The following ATP11C variants were observed in gnomAD, a reference collection of about 807,000 sequenced individuals.
ATP11C encodes phospholipid-transporting ATPase IG.
ATP11C carries 36 observed loss-of-function variants against 97.4 expected under a neutral mutation model. The ratio of observed to expected loss-of-function variants is 0.37; its 90% CI spans 0.28 to 0.49. The LOEUF (loss-of-function observed/expected upper bound fraction) is 0.49, where lower values mean the gene tolerates loss of function less well. ATP11C is among the 20% of genes least tolerant of loss of function. ATP11C has a pLI of 0.98. For synonymous variants in ATP11C, 275 were observed against 290.9 expected (o/e 0.95, Z 0.56); for missense variants, 730 against 824.6 (o/e 0.89, Z 1.40).
rs772227083 is a variant in ATP11C, at chrX:139,846,508, G to A, written c.28-19685C>T. 7.2e-5 allele frequency among the ~76,000 whole-genome samples: 8 copies of A among 111,848 alleles called. No individual in the cohort carries two copies. In the East Asian group the frequency reaches 2.2e-3, roughly 31 times the overall value. Reference sequence around the variant, plus strand: ...TCCTAAGGTTTACTTTACTTTTGCTGCTATTTTTTCTTTTTTAAAATAAAT... The same window carrying A: ...TCCTAAGGTTTACTTTACTTTTGCTACTATTTTTTCTTTTTTAAAATAAAT... On this transcript the variant is annotated intron_variant, in intron 1 of 29. Coordinates refer to ENST00000682941, the MANE Select transcript of ATP11C (RefSeq NM_001353812.2).
intron 1 of ATP11C, among the ~76,000 whole-genome samples, chrX:139,896,546 TACACACACACACACACACAC>T (rs61153084): frequency 4.5e-4 from 36 of 79,809 alleles, no homozygotes; most frequent in Middle Eastern, 6.8e-3. Flanking sequence ...GTTAATTTTA[TACACACACACACACACACAC>T]ACACACACAC....
At chrX:139,931,982 C>A (rs745386244) in intron 1 of ATP11C, 34 bp downstream of exon 1, 1 of 1,152,221 alleles carries the variant, frequency 8.7e-7, no homozygotes, top group East Asian at 3.3e-5. Flanking sequence ...AGCAAGCAAA[C>A]CGGCACGCGC....
chrX:139,911,183 T>C (rs1397778037), intron 1 of ATP11C, among the ~76,000 whole-genome samples: 2 of 109,924 alleles, frequency 1.8e-5, no homozygotes, highest in Non-Finnish European at 3.8e-5. Flanking sequence ...AAAAAAATAG[T>C]AAAAGCAGAA....
At chrX:139,922,539 T>G (rs904126486) in intron 1 of ATP11C, among the ~76,000 whole-genome samples, 1 of 107,916 alleles carries the variant, frequency 9.3e-6, no homozygotes, top group Admixed American at 1.0e-4. Flanking sequence ...TACTAGGAGG[T>G]GAGGCATCTG....
intron 5 of ATP11C, among the ~76,000 whole-genome samples, chrX:139,807,493 A>G (rs2083070349): frequency 9.0e-6 from 1 of 111,520 alleles, no homozygotes; most frequent in African/African-American, 3.3e-5. Context: ...AGTGAATACC[A>G]TTCTTTTACA....
intron 1 of ATP11C, among the ~76,000 whole-genome samples, chrX:139,888,439 TATA>T (rs976161535): frequency 1.8e-5 from 2 of 111,356 alleles, no homozygotes; most frequent in African/African-American, 6.5e-5. Context: ...CCCAAAGCTG[TATA>T]ATTTTTCAAA....
intron 1 of ATP11C, among the ~76,000 whole-genome samples, chrX:139,838,798 A>G (rs1034446728): frequency 1.8e-5 from 2 of 111,534 alleles, no homozygotes; most frequent in African/African-American, 6.5e-5. Context: ...AAATACAAAA[A>G]TTATCCAGGC....
intron 1 of ATP11C, among the ~76,000 whole-genome samples, chrX:139,914,015 G>T (rs1481934186): frequency 8.9e-6 from 1 of 111,768 alleles, no homozygotes; most frequent in Non-Finnish European, 1.9e-5. Context: ...ACAGAAAATA[G>T]TCAAAAGATT....
intron 3 of ATP11C, among the ~76,000 whole-genome samples, chrX:139,817,163 C>T (rs1238914543): frequency 8.9e-6 from 1 of 112,236 alleles, no homozygotes; most frequent in African/African-American, 3.2e-5. Context: ...CTTGGATTAA[C>T]CCCTTTATTG....
At chrX:139,754,791 A>T (rs1407029355) in intron 23 of ATP11C, among the ~76,000 whole-genome samples, 2 of 111,884 alleles carry the variant, frequency 1.8e-5, no homozygotes, top group Non-Finnish European at 3.8e-5. Flanking sequence ...TTTCAATAAA[A>T]TCCATCATGT....
At chrX:139,919,749 A>AT (rs1215855941) in intron 1 of ATP11C, among the ~76,000 whole-genome samples, 1 of 110,141 alleles carries the variant, frequency 9.1e-6, no homozygotes, top group Non-Finnish European at 1.9e-5. Context: ...GTGAAACCCC[A>AT]TATCTACTAA....
intron 18 of ATP11C, among the ~76,000 whole-genome samples, chrX:139,776,534 C>T (rs1360898781): frequency 3.6e-5 from 4 of 111,588 alleles, no homozygotes; most frequent in Non-Finnish European, 7.5e-5. Flanking sequence ...AATGGAGAAG[C>T]GGATCATCTT....
chrX:139,737,540 C>A (rs1044182939), intron 28 of ATP11C, among the ~76,000 whole-genome samples: 1 of 111,324 alleles, frequency 9.0e-6, no homozygotes, highest in Non-Finnish European at 1.9e-5. Flanking sequence ...TGAAAAAAAT[C>A]TGCAAACAGC....
Position 139,727,297 on chromosome X carries a change from G to A in ATP11C, c.*1669C>T, listed in dbSNP as rs2081268513. 1 of 111,834 alleles carries A rather than the reference G, an allele frequency of 8.9e-6. No homozygotes were observed. Among genetic ancestry groups the A allele is most frequent in the Non-Finnish European group, 1.9e-5 (1 of 53,051 alleles). 9.2% of individuals were successfully genotyped at this position (111,834 alleles called of 1,213,427 possible). On this transcript the variant is annotated 3_prime_UTR_variant, in exon 30 of 30. Transcript: ENST00000682941. ...TGGGTTAGACTTTTTTAGCTCTTTGGAATAGGCAAAGAATATAGAGACTTT... is the reference window on the plus strand; with the variant it reads ...TGGGTTAGACTTTTTTAGCTCTTTGAAATAGGCAAAGAATATAGAGACTTT...
At chrX:139,769,326 A>ATATATATATATT (rs2082208344) in intron 19 of ATP11C, among the ~76,000 whole-genome samples, 3 of 67,008 alleles carry the variant, frequency 4.5e-5, no homozygotes, top group African/African-American at 1.7e-4. Flanking sequence ...ATATATATAT[A>ATATATATATATT]TTCTTTAAAT....
At chrX:139,926,553 G>C (rs1446548666) in intron 1 of ATP11C, among the ~76,000 whole-genome samples, 1 of 111,618 alleles carries the variant, frequency 9.0e-6, no homozygotes, top group Non-Finnish European at 1.9e-5. Flanking sequence ...GCAGCTTTTT[G>C]AAAAAACAAG....
chrX:139,924,519 G>A (rs759320986), intron 1 of ATP11C, among the ~76,000 whole-genome samples: 14 of 111,675 alleles, frequency 1.3e-4, no homozygotes, highest in Non-Finnish European at 2.3e-4. Flanking sequence ...CTGTTTGCAA[G>A]GTTGGTCCTT....
At chrX:139,870,624 G>A (rs1010010055) in intron 1 of ATP11C, among the ~76,000 whole-genome samples, 3 of 112,057 alleles carry the variant, frequency 2.7e-5, no homozygotes, top group African/African-American at 3.2e-5. Flanking sequence ...AATGAGCTAC[G>A]GAATATCTAA....
At chrX:139,765,155 G>A (rs2082110860) in intron 20 of ATP11C, among the ~76,000 whole-genome samples, 1 of 110,698 alleles carries the variant, frequency 9.0e-6, no homozygotes, top group Admixed American at 9.6e-5. Context: ...ATTTAGATTC[G>A]TAAACATGGA....
Sources: allele counts gnomAD v4.1 joint callset (sites outside exome capture counted in the v4.1 genomes callset), GRCh38; gene constraint gnomAD v4.1.1; transcripts MANE v1.5; gene names NCBI Gene and HGNC (gene_info 2026-07-23, HGNC 2026-07-21).